The following MTCL1 variants were observed in gnomAD, a reference collection of about 807,000 sequenced individuals.
The protein encoded by MTCL1 is microtubule cross-linking factor 1.
In MTCL1, 79 loss-of-function variants were observed where a neutral mutation model predicts 141.4. The observed-to-expected ratio is 0.56, with a 90% CI of 0.47 to 0.67. The LOEUF (loss-of-function observed/expected upper bound fraction) is 0.67. MTCL1 is among the 30% of genes least tolerant of loss of function. The pLI is 0.00. For synonymous variants in MTCL1, 914 were observed against 875.8 expected, an observed-to-expected ratio of 1.04 and a Z score of -0.77; for missense variants, 2,177 against 2,113.9, an observed-to-expected ratio of 1.03 and a Z score of -0.59.
intron 7 of MTCL1, among the ~76,000 whole-genome samples, chr18:8,789,937 G>A (rs778310416): frequency 2.6e-5 from 4 of 152,204 alleles, no homozygotes; most frequent in Non-Finnish European, 5.9e-5. Flanking sequence ...ACATTGGAGT[G>A]ACGTTGGCAT....
intron 11 of MTCL1, among the ~76,000 whole-genome samples, chr18:8,811,543 C>A (rs184809937): frequency 0.027 from 4,093 of 151,610 alleles, 141 homozygotes; most frequent in Admixed American, 0.1. Flanking sequence ...ATATATATAT[C>A]TATGGTCTCA....
At position 8,813,287 on chromosome 18, in the gene MTCL1, G is replaced by A. The variant is rs571700930; in HGVS notation, c.2859+54G>A. 22 of 1,558,768 alleles carry A rather than the reference G, an allele frequency of 1.4e-5. No homozygotes were observed. In the African/African-American group the frequency reaches 2.8e-4, roughly 20 times the overall value. ...ATAGGCACAGAGTGTAGACTGCTCA[G>A]TGGACCCAGAAAGCAAAAGCACTAG... On this transcript the variant is annotated intron_variant, in intron 12 of 16. Coordinates refer to ENST00000359865, the Ensembl canonical transcript of MTCL1.
chr18:8,774,305 ACAT>A (rs1301941972), intron 4 of MTCL1, among the ~76,000 whole-genome samples: 1 of 151,606 alleles, frequency 6.6e-6, no homozygotes, highest in Admixed American at 6.6e-5. Context: ...GGTTAAAATG[ACAT>A]CATGCTTACA....
At chr18:8,831,746 C>A in exon 17 of MTCL1, 1 of 1,550,524 alleles carries the variant, frequency 6.4e-7, no homozygotes, top group Non-Finnish European at 8.7e-7. Context: ...GGAGACCCGA[C>A]GTCCTTGGAG....
intron 14 of MTCL1, among the ~76,000 whole-genome samples, chr18:8,824,391 G>A (rs2076944839): frequency 6.6e-6 from 1 of 152,246 alleles, no homozygotes; most frequent in Admixed American, 6.5e-5. Flanking sequence ...CTGAGGCACT[G>A]AGGCCTCAAG....
chr18:8,767,767 AAATT>A (rs1048935692), intron 4 of MTCL1, among the ~76,000 whole-genome samples: 5 of 152,186 alleles, frequency 3.3e-5, no homozygotes, highest in African/African-American at 9.7e-5. Context: ...AAAAAAAAAA[AAATT>A]AATCTTGACT....
In MTCL1 at chr18:8,705,670, C is replaced by A; in HGVS notation, c.10C>A (p.Leu4Met). The change falls in exon 1 of 14, where the codon CTG becomes ATG. Residue 4 changes from leucine to methionine, a missense_variant. Transcript: ENST00000306329. The surrounding 1 kb of genome is among the most constrained non-coding windows in gnomAD (Gnocchi z 5.2). ...GCCGGCGGACCCGGCCATGGAGACA[C>A]TGAACGGCCCCGCGGGCGGAGGTGC... 1 of 1,201,566 alleles carries A rather than the reference C, an allele frequency of 8.3e-7. No individual in the cohort carries two copies. Among genetic ancestry groups the A allele is most frequent in the Non-Finnish European group, 1.0e-6 (1 of 968,542 alleles). 74.4% of individuals were successfully genotyped at this position (1,201,566 alleles called of 1,614,324 possible). A position where few individuals can be genotyped will look rare whatever the true frequency, so the allele number is the denominator to read the frequency against.
At chr18:8,764,198 T>C (rs1313646350) in intron 4 of MTCL1, among the ~76,000 whole-genome samples, 1 of 152,200 alleles carries the variant, frequency 6.6e-6, no homozygotes, top group Admixed American at 6.5e-5. Context: ...CTTGAAAATA[T>C]TAAACAAGAA....
chr18:8,743,439 T>C (rs1319691409), intron 4 of MTCL1, among the ~76,000 whole-genome samples: 1 of 152,246 alleles, frequency 6.6e-6, no homozygotes, highest in Non-Finnish European at 1.5e-5. Flanking sequence ...CTGTAACAAA[T>C]GACCACAAAT....
At position 8,785,097 on chromosome 18, in the gene MTCL1, C is replaced by T. The variant is rs149673757; in HGVS notation, c.1731+254C>T. 1.1e-4 allele frequency among the ~76,000 whole-genome samples: 17 copies of T among 151,710 alleles called. No individual in the cohort carries two copies. The East Asian group carries it at 2.1e-3, about 19-fold the overall frequency. On this transcript the variant is annotated intron_variant, in intron 6 of 16. Transcript: ENST00000359865. Reference sequence around the variant, plus strand: ...TCCTGTCTTATTTTTAACTGCGCCGCGGCTCATGGTTTAGAGGCCCTCCCA... The same window carrying T: ...TCCTGTCTTATTTTTAACTGCGCCGTGGCTCATGGTTTAGAGGCCCTCCCA...
intron 1 of MTCL1, among the ~76,000 whole-genome samples, chr18:8,708,359 A>T (rs1350878997): frequency 6.6e-6 from 1 of 152,004 alleles, no homozygotes; most frequent in Non-Finnish European, 1.5e-5. Flanking sequence ...TATTTCCTTT[A>T]TTTTTTCCCA....
intron 16 of MTCL1, chr18:8,829,409 T>C (rs1408558212): frequency 8.1e-6 from 8 of 984,912 alleles, no homozygotes; most frequent in East Asian, 1.1e-4. Flanking sequence ...ATAAGGCTTT[T>C]GTTTTTCATT....
exon 6 of MTCL1, chr18:8,783,715 C>T (rs772211004): frequency 2.5e-6 from 4 of 1,607,270 alleles, no homozygotes; most frequent in South Asian, 1.1e-5. Context: ...GGCCCCCCAG[C>T]ACCCGGGAGG....
chr18:8,743,987 T>G (rs998172651), intron 4 of MTCL1, among the ~76,000 whole-genome samples: 1 of 152,250 alleles, frequency 6.6e-6, no homozygotes, highest in Non-Finnish European at 1.5e-5. Context: ...GGGCATACCA[T>G]TTATTCTGCA....
chr18:8,730,626 C>T (rs1301486857), intron 4 of MTCL1, among the ~76,000 whole-genome samples: 1 of 152,196 alleles, frequency 6.6e-6, no homozygotes, highest in Non-Finnish European at 1.5e-5. Flanking sequence ...TGGACAACGC[C>T]GGCTTGTCCC....
At chr18:8,706,057 G>A in exon 1 of MTCL1, 3 of 1,189,668 alleles carry the variant, frequency 2.5e-6, no homozygotes, top group Admixed American at 4.5e-5. Context: ...CAGGAGGGCG[G>A]CGCGCGTGGC....
rs1028965224 is a variant in MTCL1 at position 8,831,965 on chromosome 18, A to G, written c.*377A>G. ...TGAATGTTCAACCTGTGAAACTGAG[A>G]TGTTTCTAGAATGAAACAGTAAATG... On this transcript the variant is annotated 3_prime_UTR_variant, in exon 17 of 17. Coordinates refer to ENST00000359865, the Ensembl canonical transcript of MTCL1. The G allele has an allele frequency of 1.2e-4, 103 of 835,268 alleles. 1 individual carries two copies. Among genetic ancestry groups the G allele is most frequent in the Admixed American group, 2.2e-4 (8 of 35,934 alleles). 51.7% of individuals were successfully genotyped at this position (835,268 alleles called of 1,614,324 possible). A position where few individuals can be genotyped will look rare whatever the true frequency, so the allele number is the denominator to read the frequency against.
chr18:8,759,554 A>G (rs1000553949), intron 4 of MTCL1, among the ~76,000 whole-genome samples: 5 of 152,156 alleles, frequency 3.3e-5, no homozygotes, highest in African/African-American at 1.2e-4. Flanking sequence ...CTAGCAGGAG[A>G]GTTGGAGAGG....
intron 4 of MTCL1, among the ~76,000 whole-genome samples, chr18:8,729,840 C>G (rs2148860618): frequency 6.6e-6 from 1 of 151,876 alleles, no homozygotes; most frequent in South Asian, 2.1e-4. Context: ...AAGAATGATT[C>G]CTTTTGTGGT....
Sources: allele counts gnomAD v4.1 joint callset (sites outside exome capture counted in the v4.1 genomes callset), GRCh38; gene constraint gnomAD v4.1.1; non-coding constraint Gnocchi (gnomAD v3.1); transcripts MANE v1.5; gene names NCBI Gene and HGNC (gene_info 2026-07-23, HGNC 2026-07-21).